DCAF6: variants seen among roughly 807,000 people sequenced by gnomAD.
DCAF6 encodes the protein DDB1- and CUL4-associated factor 6.
A neutral mutation model predicts 125.1 loss-of-function variants in DCAF6; 54 were observed. The observed-to-expected ratio is 0.43, with a 90% CI of 0.35 to 0.54. DCAF6 has a LOEUF of 0.54. Ranked by LOEUF, DCAF6 falls within the 20% of genes least tolerant of loss-of-function variation. The pLI is 0.01. For synonymous variants in DCAF6, 371 were observed against 390.4 expected, an observed-to-expected ratio of 0.95 and a Z score of 0.58; for missense variants, 934 against 1,161.7, an observed-to-expected ratio of 0.80 and a Z score of 2.85.
chr1:168,073,767 A>G (rs12079918), intron 21 of DCAF6, among the ~76,000 whole-genome samples: 4,392 of 151,870 alleles, frequency 0.029, 220 homozygotes, highest in African/African-American at 0.1. Context: ...CCTGAGCCCT[A>G]CTTAAGTAGA....
At chr1:167,867,001 G>A in the DCAF6 span, among the ~76,000 whole-genome samples, 64,440 of 151,800 alleles carry the variant, frequency 0.42, 17,247 homozygotes, top group African/African-American at 0.76. Context: ...ACTTTAATCA[G>A]TACCAAAGGA....
the DCAF6 span, chr1:167,880,245 G>C: frequency 6.8e-7 from 1 of 1,460,354 alleles, no homozygotes; most frequent in South Asian, 1.2e-5. Context: ...AATGAGCGTA[G>C]AGAAAGTGGG....
At chr1:167,868,982 A>G in the DCAF6 span, among the ~76,000 whole-genome samples, 2 of 152,236 alleles carry the variant, frequency 1.3e-5, no homozygotes, top group Non-Finnish European at 2.9e-5. Context: ...TTGGCTCTCG[A>G]CTACTTCTAG....
At chr1:167,973,616 A>G (rs1225675305) in intron 3 of DCAF6, among the ~76,000 whole-genome samples, 1 of 152,104 alleles carries the variant, frequency 6.6e-6, no homozygotes, top group Admixed American at 6.5e-5. Flanking sequence ...TTTTATAGTC[A>G]ATCACTGATG....
chr1:167,884,653 C>G, the DCAF6 span, among the ~76,000 whole-genome samples: 2 of 151,600 alleles, frequency 1.3e-5, no homozygotes, highest in Non-Finnish European at 2.9e-5. Context: ...CCTTTGGTAA[C>G]CATCCTTATA....
At chr1:167,987,042 A>G (rs573872019) in intron 4 of DCAF6, among the ~76,000 whole-genome samples, 8 of 152,326 alleles carry the variant, frequency 5.3e-5, no homozygotes, top group Non-Finnish European at 1.2e-4. Context: ...AATTTTTCTA[A>G]GAGGTGAGTT....
chr1:168,071,046 T>A (rs916077051), intron 21 of DCAF6, among the ~76,000 whole-genome samples: 5 of 152,184 alleles, frequency 3.3e-5, no homozygotes, highest in African/African-American at 1.2e-4. Flanking sequence ...ACAGATTGAC[T>A]CCCTCAGTAA....
chr1:168,033,931 T>C (rs1021899949), intron 12 of DCAF6, among the ~76,000 whole-genome samples: 1 of 152,248 alleles, frequency 6.6e-6, no homozygotes, highest in Non-Finnish European at 1.5e-5. Flanking sequence ...ACACTACAAA[T>C]AAATATTCTC....
chr1:168,043,489 A>G (rs1462639243), intron 14 of DCAF6, among the ~76,000 whole-genome samples: 2 of 152,172 alleles, frequency 1.3e-5, no homozygotes, highest in East Asian at 3.8e-4. Flanking sequence ...TATGTGGTTT[A>G]TAGAGGGGGA....
chr1:167,943,878 G>A (rs535413130), intron 1 of DCAF6, among the ~76,000 whole-genome samples: 8 of 151,626 alleles, frequency 5.3e-5, no homozygotes, highest in South Asian at 2.1e-4. Flanking sequence ...TCACTCTGTC[G>A]CCCAGGCTGT....
rs369467496 is a variant in DCAF6, at chr1:167,963,248, C to T, written c.160-3381C>T. On this transcript the variant is annotated intron_variant, in intron 2 of 21. Coordinates refer to ENST00000367840, the MANE Select transcript of DCAF6 (RefSeq NM_001198956.2). ...TGCTTCACTTCAGCCTGGGCAAAAG[C>T]GTGAAACTCTGTCTCAAAAAAAAAA... Among the ~76,000 whole-genome samples the T allele has an allele frequency of 8.3e-4, 125 of 151,364 alleles. 1 individual carries two copies. The South Asian group carries it at 0.023, about 28-fold the overall frequency.
chr1:167,920,555 A>G, the DCAF6 span: 9 of 1,613,696 alleles, frequency 5.6e-6, no homozygotes, highest in Admixed American at 5.0e-5. Context: ...ACCTGTAGCC[A>G]TCAAAACAGC....
At chr1:167,988,613 TAAG>T (rs1363012343) in intron 5 of DCAF6, among the ~76,000 whole-genome samples, 1 of 151,616 alleles carries the variant, frequency 6.6e-6, no homozygotes, top group African/African-American at 2.4e-5. Flanking sequence ...GTAAATGAAA[TAAG>T]AAAGTACTAT....
At chr1:167,946,735 G>GTATT (rs1276559736) in intron 1 of DCAF6, among the ~76,000 whole-genome samples, 4 of 152,110 alleles carry the variant, frequency 2.6e-5, no homozygotes, top group Non-Finnish European at 5.9e-5. Context: ...TGATCATGGT[G>GTATT]TATTATCTTT....
intron 1 of DCAF6, among the ~76,000 whole-genome samples, chr1:167,939,484 C>T (rs1017581601): frequency 1.3e-5 from 2 of 151,936 alleles, no homozygotes; most frequent in Non-Finnish European, 2.9e-5. Flanking sequence ...TACTCTTGGC[C>T]GGGCGCGGTG....
rs776707096 is a variant in DCAF6, at chr1:167,974,945, C to G, written c.368C>G (p.Thr123Ser). 3 of 1,608,530 alleles carry G rather than the reference C, an allele frequency of 1.9e-6. No homozygotes were observed. In the East Asian group the frequency reaches 6.7e-5, roughly 36 times the overall value. The change falls in exon 4 of 22, where the codon ACC (threonine) becomes AGC (serine). Residue 123 changes from threonine (T) to serine (S), a missense_variant. This residue lies in a region of DCAF6 where 309 missense variants were observed against 381.2 expected (regional missense o/e 0.81). Coordinates refer to ENST00000367840, the MANE Select transcript of DCAF6 (RefSeq NM_001198956.2). ...TCTGGAGATGGAGTAATATTTTATA[C>G]CAACGTTGAGCAAGATGCAGAAACC... The part of the protein sequence containing the change: ...SCSGDGVIFY[T>S]NVEQDAETNR...
intron 13 of DCAF6, among the ~76,000 whole-genome samples, chr1:168,041,681 C>T (rs1384896817): frequency 6.6e-6 from 1 of 151,750 alleles, no homozygotes; most frequent in Non-Finnish European, 1.5e-5. Context: ...AATATATTTA[C>T]TCGGTTGCTG....
At chr1:168,020,399 T>C (rs1055472147) in intron 11 of DCAF6, among the ~76,000 whole-genome samples, 2 of 152,210 alleles carry the variant, frequency 1.3e-5, no homozygotes, top group African/African-American at 4.8e-5. Context: ...GAGATAATTC[T>C]GGTGTCAAGG....
intron 17 of DCAF6, among the ~76,000 whole-genome samples, chr1:168,058,725 C>CA (rs1691216057): frequency 6.6e-6 from 1 of 152,138 alleles, no homozygotes; most frequent in Non-Finnish European, 1.5e-5. Flanking sequence ...CATGCCACCA[C>CA]ACCCGGCTAA....
Sources: gnomAD v4.1 joint callset for allele counts (sites outside exome capture counted in the v4.1 genomes callset) on GRCh38, gnomAD v4.1.1 for gene constraint, gnomAD v4.1.1 regional missense constraint, MANE v1.5 for transcripts, NCBI Gene and HGNC (gene_info 2026-07-23, HGNC 2026-07-21) for gene names.